Variants in RAB37 observed in about 807,000 individuals in gnomAD.
RAB37 encodes ras-related protein Rab-37.
Under a neutral mutation model 33.1 loss-of-function variants are expected in RAB37, and 29 were observed. The observed-to-expected ratio is 0.88, with a 90% CI of 0.65 to 1.20. The LOEUF is 1.20. RAB37 is among the 50% of genes most tolerant of loss of function. The pLI, the probability that RAB37 is intolerant of heterozygous loss-of-function variation, is 0.00. For synonymous variants in RAB37, 128 were observed against 119.5 expected, an observed-to-expected ratio of 1.07 and a Z score of -0.47; for missense variants, 299 against 301.1, an observed-to-expected ratio of 0.99 and a Z score of 0.05.
chr17:74,711,758 GT>G (rs2033978303), intron 1 of RAB37, among the ~76,000 whole-genome samples: 1 of 152,094 alleles, frequency 6.6e-6, no homozygotes, highest in Non-Finnish European at 1.5e-5. Context: ...CAGGGGGGTT[GT>G]TTCAGCCCAC....
chr17:74,728,351 TTG>T (rs536810758), intron 1 of RAB37, among the ~76,000 whole-genome samples: 15 of 151,578 alleles, frequency 9.9e-5, no homozygotes, highest in African/African-American at 2.7e-4. Context: ...CTATGTGTAT[TTG>T]TGTTTGTGTG....
chr17:74,711,703 T>A (rs2033973498), intron 1 of RAB37, among the ~76,000 whole-genome samples: 1 of 152,062 alleles, frequency 6.6e-6, no homozygotes, highest in Admixed American at 6.6e-5. Context: ...CTGTGTCTGA[T>A]CCTTTTCCTA....
chr17:74,703,023 G>C (rs1598245031), intron 1 of RAB37: 2 of 1,607,858 alleles, frequency 1.2e-6, no homozygotes, highest in African/African-American at 1.3e-5. Flanking sequence ...AGTGGAACCA[G>C]AGCTGGCTTA....
chr17:74,708,784 C>T (rs972883552), intron 1 of RAB37, among the ~76,000 whole-genome samples: 18 of 151,776 alleles, frequency 1.2e-4, no homozygotes, highest in East Asian at 1.9e-4. Context: ...GGCGTGGTGG[C>T]GGGCGCCTGT....
At chr17:74,740,239 A>C (rs531146524) in intron 1 of RAB37, among the ~76,000 whole-genome samples, 1 of 152,172 alleles carries the variant, frequency 6.6e-6, no homozygotes, top group African/African-American at 2.4e-5. Flanking sequence ...AATATTCATT[A>C]TAGAGTATGC....
rs377427908 is a variant in RAB37 at position 74,698,475 on chromosome 17, C to G, written c.72+26817C>G. On this transcript the variant is annotated intron_variant, in intron 1 of 7. Coordinates refer to the RAB37 transcript ENST00000340415. The stretch of plus-strand genomic sequence containing the variant: ...GCAGGAGGACACTGAGCTTCAGGAG[C>G]TTGTGCCTAGAAACAATGGCAAGCG... The G allele has an allele frequency of 5.0e-5, 80 of 1,613,528 alleles. No homozygotes were observed. Among genetic ancestry groups the G allele is most frequent in the Non-Finnish European group, 6.7e-5 (79 of 1,179,748 alleles).
intron 1 of RAB37, among the ~76,000 whole-genome samples, chr17:74,704,198 T>A (rs1484783871): frequency 6.6e-6 from 1 of 152,212 alleles, no homozygotes; most frequent in African/African-American, 2.4e-5. Flanking sequence ...GCCCATGGGC[T>A]GAAACTGGGA....
chr17:74,704,621 A>T (rs998332318), intron 1 of RAB37: 1 of 1,614,050 alleles, frequency 6.2e-7, no homozygotes, highest in African/African-American at 1.3e-5. Flanking sequence ...CTTGATGGAC[A>T]CCCGGTCCCT....
chr17:74,698,405 G>A (rs745858615), intron 1 of RAB37: 15 of 1,613,854 alleles, frequency 9.3e-6, no homozygotes, highest in Non-Finnish European at 1.2e-5. Flanking sequence ...CAAGCCAAGA[G>A]TGAGGCGGCC....
At chr17:74,696,260 C>G (rs1343689969) in intron 1 of RAB37, 1 of 1,583,468 alleles carries the variant, frequency 6.3e-7, no homozygotes, top group Admixed American at 1.8e-5. Flanking sequence ...GCCCATTCCC[C>G]AGACTCACAA....
chr17:74,712,842 G>A (rs1470043669), intron 1 of RAB37: 3 of 1,613,956 alleles, frequency 1.9e-6, no homozygotes, highest in African/African-American at 1.3e-5. Flanking sequence ...CAGAAGAGGA[G>A]CAGGTAGAGT....
At chr17:74,703,220 C>T in intron 1 of RAB37, 1 of 1,222,316 alleles carries the variant, frequency 8.2e-7, no homozygotes, top group East Asian at 2.4e-5. Flanking sequence ...CTGCACACAG[C>T]TCTGAGCCTG....
intron 1 of RAB37, chr17:74,712,959 C>T: frequency 1.5e-6 from 2 of 1,295,854 alleles, no homozygotes; most frequent in Non-Finnish European, 2.2e-6. Flanking sequence ...CTCACTCTCG[C>T]CCTTGAACTT....
At chr17:74,683,811 G>A (rs1316884317) in intron 1 of RAB37, among the ~76,000 whole-genome samples, 2 of 152,126 alleles carry the variant, frequency 1.3e-5, no homozygotes, top group Non-Finnish European at 2.9e-5. Context: ...TGGGCCAGAT[G>A]GCAAAGGAGT....
At chr17:74,702,953 G>T in intron 1 of RAB37, 1 of 1,187,284 alleles carries the variant, frequency 8.4e-7, no homozygotes, top group Non-Finnish European at 1.2e-6. Context: ...ACAAAGCTCA[G>T]GCTGGAAAAT....
intron 1 of RAB37, among the ~76,000 whole-genome samples, chr17:74,693,731 C>G (rs2032213201): frequency 1.3e-5 from 2 of 151,986 alleles, no homozygotes; most frequent in African/African-American, 4.8e-5. Flanking sequence ...GAGTTCGAGA[C>G]CAGCCTGGCC....
chr17:74,728,060 G>A (rs951396500), intron 1 of RAB37, among the ~76,000 whole-genome samples: 4 of 151,982 alleles, frequency 2.6e-5, no homozygotes, highest in Non-Finnish European at 5.9e-5. Flanking sequence ...ATGCATGTCT[G>A]TATATGCATG....
At chr17:74,706,916 G>A (rs1453921960) in intron 1 of RAB37, among the ~76,000 whole-genome samples, 1 of 152,168 alleles carries the variant, frequency 6.6e-6, no homozygotes, top group African/African-American at 2.4e-5. Context: ...AAACAGTGCT[G>A]GGAAAACTCG....
At chr17:74,740,641 G>A in intron 1 of RAB37, 127 bp from the exon 2 acceptor site, 1 of 712,494 alleles carries the variant, frequency 1.4e-6, no homozygotes, top group South Asian at 1.6e-5. Context: ...CTGGAAGCAG[G>A]TGGCCTTTGG....
Sources: allele counts gnomAD v4.1 joint callset (sites outside exome capture counted in the v4.1 genomes callset), GRCh38; gene constraint gnomAD v4.1.1; transcripts MANE v1.5; gene names NCBI Gene and HGNC (gene_info 2026-07-23, HGNC 2026-07-21).